The following COL26A1 variants were observed in gnomAD, a reference collection of about 807,000 sequenced individuals.
COL26A1 encodes collagen type XXVI alpha 1 chain.
COL26A1 carries 41 observed loss-of-function variants against 59.3 expected under a neutral mutation model. The ratio of observed to expected loss-of-function variants is 0.69; its 90% confidence interval spans 0.54 to 0.90. The LOEUF (loss-of-function observed/expected upper bound fraction) is 0.90. Ranked by LOEUF, COL26A1 falls within the 40% of genes least tolerant of loss-of-function variation. The pLI is 0.00. For missense variants in COL26A1, 612 were observed against 602.3 expected, an observed-to-expected ratio of 1.02 and a Z score of -0.17; for synonymous variants, 266 against 256.0, an observed-to-expected ratio of 1.04 and a Z score of -0.37.
At chr7:101,442,800 G>T (rs776098205) in intron 2 of COL26A1, among the ~76,000 whole-genome samples, 2 of 152,208 alleles carry the variant, frequency 1.3e-5, no homozygotes, top group Non-Finnish European at 2.9e-5. Flanking sequence ...GTGTGACTGT[G>T]AGTGTGCATG....
At position 101,510,027 on chromosome 7, in the gene COL26A1, C is replaced by CTTTTTTTTTTTTTTTTTTTT. The variant is rs3073374; in HGVS notation, c.386-23041_386-23040insTTTTTTTTTTTTTTTTTTTT. 9.8e-5 allele frequency among the ~76,000 whole-genome samples: 12 copies of CTTTTTTTTTTTTTTTTTTTT among 122,300 alleles called. 1 individual carries two copies. The highest frequency in any genetic ancestry group is 4.9e-4 in the African/African-American group (12 of 24,658). 80.2% of individuals were successfully genotyped at this position (122,300 alleles called of 152,430 possible). A position where few individuals can be genotyped will look rare whatever the true frequency, so the allele number is the denominator to read the frequency against. On this transcript the variant is annotated intron_variant, in intron 3 of 12. Coordinates refer to ENST00000313669, the MANE Select transcript of COL26A1 (RefSeq NM_001278563.3). ...ATAGGCATAAGCCATCGCGCCCAGT[C>CTTTTTTTTTTTTTTTTTTTT]TTTTTTTTTTTTTTAAGAGGGTCTC... is the stretch of plus-strand genomic sequence containing the variant.
chr7:101,428,357 CAA>C (rs10565419), intron 2 of COL26A1, among the ~76,000 whole-genome samples: 105,158 of 130,568 alleles, frequency 0.81, 41,552 homozygotes, highest in Middle Eastern at 0.87. Context: ...GACCCTGTCT[CAA>C]AAAAAAAAAA....
chr7:101,489,921 GTCTC>G (rs1328632188), intron 3 of COL26A1, among the ~76,000 whole-genome samples: 7 of 43,450 alleles, frequency 1.6e-4, no homozygotes, highest in East Asian at 3.7e-4. Context: ...TTTCTTTCTT[GTCTC>G]TCTCTCTCTC....
chr7:101,557,386 A>C lies in COL26A1; in HGVS notation c.1182A>C (p.Pro394=). 1.2e-6 allele frequency: 2 copies of C among 1,613,428 alleles called. No individual in the cohort carries two copies. Among genetic ancestry groups the C allele is most frequent in the Non-Finnish European group, 1.7e-6 (2 of 1,179,554 alleles). Residue 394 remains proline (P), a synonymous_variant, in exon 13 of 13, where the codon CCA becomes CCC. Coordinates refer to ENST00000313669, the MANE Select transcript of COL26A1 (RefSeq NM_001278563.3). The part of the protein sequence containing the change: ...MIGIHDPLAS[P]EGGSGQDAAL... ...TCCTTCCAGATCCCCTGGCCTCCCC[A>C]GAGGGAGGTTCTGGCCAGGATGCTG... is the stretch of plus-strand genomic sequence containing the variant.
At chr7:101,556,551 G>A (rs1795978827) in intron 12 of COL26A1, among the ~76,000 whole-genome samples, 1 of 151,942 alleles carries the variant, frequency 6.6e-6, no homozygotes, top group Non-Finnish European at 1.5e-5. Context: ...GAGTGGATGG[G>A]TAGATGCATG....
chr7:101,505,560 C>T (rs902731718), intron 3 of COL26A1, among the ~76,000 whole-genome samples: 1 of 152,162 alleles, frequency 6.6e-6, no homozygotes, highest in Non-Finnish European at 1.5e-5. Flanking sequence ...GTCCGAGTTC[C>T]AAAGCTGAAG....
At chr7:101,416,864 T>G (rs945923014) in intron 1 of COL26A1, among the ~76,000 whole-genome samples, 1 of 142,786 alleles carries the variant, frequency 7.0e-6, no homozygotes, top group Non-Finnish European at 1.6e-5. Context: ...CTCAGCCTCC[T>G]GAGTAGCTGG....
chr7:101,533,070 C>T lies in COL26A1; in HGVS notation c.386-12C>T. 6.3e-7 allele frequency: 1 copy of T among 1,597,728 alleles called. No homozygotes were observed. The highest frequency in any genetic ancestry group is 8.5e-7 in the Non-Finnish European group (1 of 1,172,712). ...ACACTCTGCTCTCATATAAGTTCCT[C>T]TTCTCTTTCAGAATGCATGAACTGC... is the stretch of plus-strand genomic sequence containing the variant. On this transcript the variant is annotated splice_polypyrimidine_tract_variant and intron_variant, in intron 3 of 12. Transcript: ENST00000313669.
chr7:101,503,964 G>A (rs1199187437), intron 3 of COL26A1, among the ~76,000 whole-genome samples: 4 of 152,186 alleles, frequency 2.6e-5, no homozygotes, highest in East Asian at 1.9e-4. Flanking sequence ...CATGTGTCAC[G>A]CCTGAGCTGA....
chr7:101,422,372 G>GAA (rs3072484), intron 2 of COL26A1, among the ~76,000 whole-genome samples: 38 of 72,982 alleles, frequency 5.2e-4, no homozygotes, highest in Admixed American at 1.3e-3. Context: ...GGTCCAAAAT[G>GAA]AAAAAAAAAA....
At chr7:101,460,075 A>T (rs1793574019) in intron 3 of COL26A1, among the ~76,000 whole-genome samples, 1 of 152,130 alleles carries the variant, frequency 6.6e-6, no homozygotes, top group South Asian at 2.1e-4. Flanking sequence ...TGTTTCTGAG[A>T]CTTGCCTTCC....
chr7:101,465,035 T>A (rs1332278329), intron 3 of COL26A1, among the ~76,000 whole-genome samples: 1 of 62,558 alleles, frequency 1.6e-5, no homozygotes, highest in Non-Finnish European at 3.8e-5. Context: ...TCTTTCTTTC[T>A]TTTTTTTTTT....
chr7:101,462,621 C>CT (rs1793643111), intron 3 of COL26A1, among the ~76,000 whole-genome samples: 1 of 152,114 alleles, frequency 6.6e-6, no homozygotes, highest in African/African-American at 2.4e-5. Context: ...CCGGCCTTAA[C>CT]TTCATGTATT....
At chr7:101,499,277 C>T (rs180987205) in intron 3 of COL26A1, among the ~76,000 whole-genome samples, 43 of 152,282 alleles carry the variant, frequency 2.8e-4, no homozygotes, top group Admixed American at 1.2e-3. Flanking sequence ...CACATTGGCC[C>T]ACATCTATAC....
At chr7:101,487,475 C>A (rs186367488) in intron 3 of COL26A1, among the ~76,000 whole-genome samples, 31 of 152,264 alleles carry the variant, frequency 2.0e-4, no homozygotes, top group African/African-American at 7.5e-4. Context: ...TTCTTTCAAC[C>A]CCCTCTCTCA....
Position 101,486,172 on chromosome 7 carries a change from A to T in COL26A1, c.385+38385A>T, listed in dbSNP as rs1026910805. On this transcript the variant is annotated intron_variant, in intron 3 of 12. Transcript: ENST00000313669. Reference sequence around the variant, plus strand: ...TGGGTGACAGAGTGAGACTGTCTCTAAAAAAAAAAAAAAAGTAGTCTCAGA... The same window carrying T: ...TGGGTGACAGAGTGAGACTGTCTCTTAAAAAAAAAAAAAAGTAGTCTCAGA... Among the ~76,000 whole-genome samples, 7 of 122,578 alleles carry T rather than the reference A, an allele frequency of 5.7e-5. No homozygotes were observed. In the South Asian group the frequency reaches 1.1e-3, roughly 19 times the overall value. The allele number at this position is 122,578 out of a possible 152,430, so 80.4% of individuals were successfully genotyped here. A position where few individuals can be genotyped will look rare whatever the true frequency, so the allele number is the denominator to read the frequency against.
chr7:101,497,509 T>C (rs1428064618), intron 3 of COL26A1, among the ~76,000 whole-genome samples: 1 of 150,428 alleles, frequency 6.6e-6, no homozygotes, highest in Admixed American at 6.6e-5. Flanking sequence ...ATCCCGTCTC[T>C]ACAAAAAATA....
At chr7:101,386,668 C>T (rs13437959) in intron 1 of COL26A1, among the ~76,000 whole-genome samples, 9,360 of 152,182 alleles carry the variant, frequency 0.062, 651 homozygotes, top group African/African-American at 0.16. Context: ...GCTGGACCCA[C>T]TGGGACAGCG....
chr7:101,423,436 C>T (rs1364018436), intron 2 of COL26A1, among the ~76,000 whole-genome samples: 1 of 151,994 alleles, frequency 6.6e-6, no homozygotes, highest in Non-Finnish European at 1.5e-5. Context: ...AACAATGTTT[C>T]AGAAGTGCTG....
Sources: gnomAD v4.1 joint callset for allele counts (sites outside exome capture counted in the v4.1 genomes callset) on GRCh38, gnomAD v4.1.1 for gene constraint, MANE v1.5 for transcripts, NCBI Gene and HGNC (gene_info 2026-07-23, HGNC 2026-07-21) for gene names.